The following ENOX1 variants were observed in gnomAD, a reference collection of about 807,000 sequenced individuals.
The protein encoded by ENOX1 is candidate growth-related and time keeping constitutive hydroquinone (NADH) oxidase.
Under a neutral mutation model 82.5 loss-of-function variants are expected in ENOX1, and 42 were observed. That is an observed-to-expected ratio of 0.51 (90% CI 0.40 to 0.66). ENOX1 has a LOEUF of 0.66. Ranked by LOEUF, ENOX1 falls within the 30% of genes least tolerant of loss-of-function variation. The pLI is 0.00. For missense variants in ENOX1, 608 were observed against 811.6 expected (o/e 0.75, Z 3.05); for synonymous variants, 271 against 282.2 (o/e 0.96, Z 0.40).
rs747308301 is a variant in ENOX1 at position 43,556,724 on chromosome 13, C to CA, written c.-218-72573dup. Among the ~76,000 whole-genome samples, 711 of 117,438 alleles carry CA rather than the reference C, an allele frequency of 6.1e-3. 5 individuals carry two copies. Among genetic ancestry groups the CA allele is most frequent in the African/African-American group, 0.014 (453 of 33,312 alleles). 77.0% of individuals were successfully genotyped at this position (117,438 alleles called of 152,430 possible). Reference sequence around the variant, plus strand: ...GAAAGTTCCCAGAAGGTTCTATTCTCAAAAAAAAAAAAAAAGTCTGACCAT... The same window carrying CA: ...GAAAGTTCCCAGAAGGTTCTATTCTCAAAAAAAAAAAAAAAAGTCTGACCAT... On this transcript the variant is annotated intron_variant, in intron 2 of 16. Transcript: ENST00000690772.
At chr13:43,539,164 T>C (rs2078601728) in intron 2 of ENOX1, among the ~76,000 whole-genome samples, 1 of 152,156 alleles carries the variant, frequency 6.6e-6, no homozygotes, top group Non-Finnish European at 1.5e-5. Context: ...TTATTTCTTG[T>C]TTTTGTTTCT....
Position 43,337,884 on chromosome 13 carries a change from T to C in ENOX1, c.1036+6654A>G, listed in dbSNP as rs981458842. Among the ~76,000 whole-genome samples, 10 of 152,304 alleles carry C rather than the reference T, an allele frequency of 6.6e-5. No individual in the cohort carries two copies. In the East Asian group the frequency reaches 1.5e-3, roughly 24 times the overall value. ...AGACTCAGTTTCCTCCTCTGTAAAA[T>C]GACAGGGTTTGGCCCAACCCTTTAA... On this transcript the variant is annotated intron_variant, in intron 9 of 16. Coordinates refer to ENST00000690772, the MANE Select transcript of ENOX1 (RefSeq NM_001347969.2).
intron 12 of ENOX1, among the ~76,000 whole-genome samples, chr13:43,287,172 C>A (rs74996142): frequency 0.01 from 1,574 of 152,192 alleles, 38 homozygotes; most frequent in African/African-American, 0.036. Flanking sequence ...TTGTGAGGAC[C>A]GCATAAAATA....
chr13:43,353,956 G>A (rs2049975979), intron 8 of ENOX1, among the ~76,000 whole-genome samples: 2 of 152,192 alleles, frequency 1.3e-5, no homozygotes, highest in South Asian at 2.1e-4. Flanking sequence ...TACTTCATAC[G>A]TGCGGAGACA....
intron 1 of ENOX1, among the ~76,000 whole-genome samples, chr13:43,755,062 T>G (rs111942660): frequency 1.3e-3 from 187 of 141,328 alleles, no homozygotes; most frequent in African/African-American, 4.5e-3. Context: ...TTCACCAGAA[T>G]TCTATCTGCT....
At chr13:43,755,003 A>G (rs1950571262) in intron 1 of ENOX1, among the ~76,000 whole-genome samples, 1 of 151,964 alleles carries the variant, frequency 6.6e-6, no homozygotes, top group South Asian at 2.1e-4. Flanking sequence ...TGCTGCATTG[A>G]TTCTCCACAA....
intron 11 of ENOX1, among the ~76,000 whole-genome samples, chr13:43,307,754 G>A (rs1170589745): frequency 1.3e-5 from 2 of 152,218 alleles, no homozygotes; most frequent in African/African-American, 4.8e-5. Flanking sequence ...CCTACAGGCA[G>A]TGTCTCCAAA....
intron 1 of ENOX1, among the ~76,000 whole-genome samples, chr13:43,667,898 CTG>C (rs2085066112): frequency 6.6e-6 from 1 of 152,158 alleles, no homozygotes; most frequent in South Asian, 2.1e-4. Flanking sequence ...ATAAATAAAG[CTG>C]TGTGTTAATT....
chr13:43,703,373 T>G (rs1360286228), intron 1 of ENOX1, among the ~76,000 whole-genome samples: 1 of 152,182 alleles, frequency 6.6e-6, no homozygotes, highest in African/African-American at 2.4e-5. Context: ...CCTTTCACTG[T>G]CTTTTAGTTT....
intron 11 of ENOX1, among the ~76,000 whole-genome samples, chr13:43,318,077 C>T (rs905783710): frequency 6.6e-6 from 1 of 152,044 alleles, no homozygotes; most frequent in Non-Finnish European, 1.5e-5. Context: ...CAGAAAAACA[C>T]TCTTCATAAT....
chr13:43,254,810 C>T (rs1034479863), intron 14 of ENOX1, among the ~76,000 whole-genome samples: 1 of 152,092 alleles, frequency 6.6e-6, no homozygotes, highest in African/African-American at 2.4e-5. Flanking sequence ...TTCCTGGACA[C>T]ATATAATCTA....
intron 2 of ENOX1, among the ~76,000 whole-genome samples, chr13:43,588,938 T>C (rs555295958): frequency 5.3e-5 from 8 of 152,090 alleles, no homozygotes; most frequent in Admixed American, 2.6e-4. Context: ...GAGGGAGAAG[T>C]GGTATTTTAA....
At chr13:43,526,488 T>G (rs1484764974) in intron 2 of ENOX1, among the ~76,000 whole-genome samples, 2 of 151,916 alleles carry the variant, frequency 1.3e-5, no homozygotes, top group African/African-American at 4.8e-5. Context: ...TCTAAAATAC[T>G]GAAAAAAAAT....
At chr13:43,285,196 C>G (rs575289350) in intron 12 of ENOX1, among the ~76,000 whole-genome samples, 6 of 152,286 alleles carry the variant, frequency 3.9e-5, no homozygotes, top group African/African-American at 1.4e-4. Context: ...CATCTTGGAA[C>G]TGAATTCCCA....
chr13:43,460,825 AAAAAAT>A lies in ENOX1; in HGVS notation c.-75+23178_-75+23183del, dbSNP rs1163455905. The stretch of plus-strand genomic sequence containing the variant: ...AAAAAAAAAAAAAAAAAAAAAAAAA[AAAAAAT>A]AGGGATAGCTCTCTACAAACCAAGG... On this transcript the variant is annotated intron_variant, in intron 3 of 16. Coordinates refer to ENST00000690772, the MANE Select transcript of ENOX1 (RefSeq NM_001347969.2). Among the ~76,000 whole-genome samples, 19 of 18,874 alleles carry A rather than the reference AAAAAAT, an allele frequency of 1.0e-3. 3 individuals carry two copies. The highest frequency in any genetic ancestry group is 2.1e-3 in the Non-Finnish European group (17 of 8,232). 12.4% of individuals were successfully genotyped at this position (18,874 alleles called of 152,430 possible).
chr13:43,633,779 G>C (rs543026725), intron 2 of ENOX1, among the ~76,000 whole-genome samples: 1 of 151,696 alleles, frequency 6.6e-6, no homozygotes, highest in African/African-American at 2.4e-5. Context: ...AAAAAGGATA[G>C]TAGTATTTAC....
chr13:43,241,805 A>T (rs547581711), intron 14 of ENOX1, among the ~76,000 whole-genome samples: 67 of 152,358 alleles, frequency 4.4e-4, no homozygotes, highest in African/African-American at 1.6e-3. Flanking sequence ...CCCTTCTAAG[A>T]GTCCTCATCA....
intron 2 of ENOX1, among the ~76,000 whole-genome samples, chr13:43,611,445 T>C (rs564149204): frequency 6.6e-6 from 1 of 152,352 alleles, no homozygotes; most frequent in South Asian, 2.1e-4. Context: ...TTTGGATTTA[T>C]GTATAATGAC....
chr13:43,714,739 C>T (rs1453675501), intron 1 of ENOX1, among the ~76,000 whole-genome samples: 1 of 152,066 alleles, frequency 6.6e-6, no homozygotes, highest in African/African-American at 2.4e-5. Flanking sequence ...ATTGCAACCC[C>T]TGCCTTTTTT....
Sources: gnomAD v4.1 joint callset for allele counts (sites outside exome capture counted in the v4.1 genomes callset) on GRCh38, gnomAD v4.1.1 for gene constraint, MANE v1.5 for transcripts, NCBI Gene and HGNC (gene_info 2026-07-23, HGNC 2026-07-21) for gene names.